Variants in CNBD1 observed in about 807,000 individuals in gnomAD.
CNBD1 encodes cyclic nucleotide binding domain containing 1, also known as cyclic nucleotide-binding domain-containing protein 1.
Under a neutral mutation model 54.4 loss-of-function variants are expected in CNBD1, and 71 were observed. The observed-to-expected ratio is 1.30, with a 90% confidence interval of 1.08 to 1.59. The LOEUF (loss-of-function observed/expected upper bound fraction) is 1.59. Ranked by LOEUF, CNBD1 falls within the 40% of genes most tolerant of loss-of-function variation. The pLI is 0.00. For missense variants in CNBD1, 659 were observed against 518.0 expected (o/e 1.27, Z -2.64); for synonymous variants, 182 against 170.7 (o/e 1.07, Z -0.51).
chr8:86,866,618 T>G (rs2453451), intron 1 of CNBD1, 35 bp downstream of exon 1: 315,960 of 1,480,570 alleles, frequency 0.21, 35,684 homozygotes, highest in Non-Finnish European at 0.23. Flanking sequence ...CTTATTCACC[T>G]ACCATTGTTT....
At chr8:87,092,338 T>A (rs71525084) in intron 4 of CNBD1, among the ~76,000 whole-genome samples, 8,174 of 151,184 alleles carry the variant, frequency 0.054, 300 homozygotes, top group African/African-American at 0.097. Flanking sequence ...TCCATAATAC[T>A]GGCTCAGTGT....
In CNBD1 at chr8:87,163,387, A is replaced by G. The variant is rs1409943932; in HGVS notation, c.432-42606A>G. 6.6e-6 allele frequency among the ~76,000 whole-genome samples: 1 copy of G among 151,788 alleles called. No homozygotes were observed. ...AAATTAGAATTTTGATAGAGATTGC[A>G]TTGAATCTGCAGATCACTTCAGGTC... On this transcript the variant is annotated intron_variant, in intron 4 of 10. Coordinates refer to ENST00000518476, the MANE Select transcript of CNBD1 (RefSeq NM_173538.3). This position sits in a 1 kb window ranked among gnomAD's most constrained non-coding sequence, Gnocchi z 4.5.
chr8:87,357,999 T>TTC (rs1810455459), intron 10 of CNBD1, among the ~76,000 whole-genome samples: 1 of 152,138 alleles, frequency 6.6e-6, no homozygotes, highest in Non-Finnish European at 1.5e-5. Context: ...GCAGCTCCTT[T>TTC]TCTCTCTCTT....
In CNBD1 at chr8:87,194,312, C is replaced by A. The variant is rs116320219; in HGVS notation, c.432-11681C>A. ...TTGAAAAGCAGGTAGTTAAGGGGAACAATGTTTAAGAAGGCAGTGAGTTTT... is the reference window on the plus strand; with the variant it reads ...TTGAAAAGCAGGTAGTTAAGGGGAAAAATGTTTAAGAAGGCAGTGAGTTTT... On this transcript the variant is annotated intron_variant, in intron 4 of 10. Transcript: ENST00000518476. 8.4e-3 allele frequency among the ~76,000 whole-genome samples: 1,277 copies of A among 152,186 alleles called. 29 individuals carry two copies. Among genetic ancestry groups the A allele is most frequent in the African/African-American group, 0.024 (1,006 of 41,524 alleles).
At chr8:87,424,792 ATG>A (rs1808015653) in intron 2 of CNBD1, among the ~76,000 whole-genome samples, 1 of 152,022 alleles carries the variant, frequency 6.6e-6, no homozygotes, top group African/African-American at 2.4e-5. Context: ...TCTGACAATT[ATG>A]TGTCTTGGAG....
intron 8 of CNBD1, among the ~76,000 whole-genome samples, chr8:87,341,439 A>C (rs1438888827): frequency 6.6e-6 from 1 of 152,134 alleles, no homozygotes; most frequent in Non-Finnish European, 1.5e-5. Flanking sequence ...TCTCTTAATC[A>C]CATAGTGCTG....
At chr8:86,960,530 C>T (rs1033984319) in intron 4 of CNBD1, among the ~76,000 whole-genome samples, 7 of 152,178 alleles carry the variant, frequency 4.6e-5, no homozygotes, top group African/African-American at 1.7e-4. Flanking sequence ...GGAAGCCTGC[C>T]TACCTCTGTA....
intron 10 of CNBD1, among the ~76,000 whole-genome samples, chr8:87,370,301 A>G (rs188368245): frequency 3.3e-5 from 5 of 152,164 alleles, no homozygotes; most frequent in African/African-American, 1.2e-4. Flanking sequence ...AGGAATCGCC[A>G]CACTGACTTC....
chr8:87,098,732 A>G (rs1811365161), intron 4 of CNBD1, among the ~76,000 whole-genome samples: 1 of 103,636 alleles, frequency 9.6e-6, no homozygotes, highest in Admixed American at 8.9e-5. Context: ...GAACATAGTA[A>G]TAAAAAAAAA....
intron 4 of CNBD1, among the ~76,000 whole-genome samples, chr8:87,006,811 A>G (rs911860665): frequency 6.6e-6 from 1 of 152,250 alleles, no homozygotes; most frequent in Non-Finnish European, 1.5e-5. Context: ...GTTTCTCTCC[A>G]TAATGTAAGT....
intron 4 of CNBD1, among the ~76,000 whole-genome samples, chr8:87,162,900 C>A (rs1215074794): frequency 6.6e-6 from 1 of 152,012 alleles, no homozygotes; most frequent in Non-Finnish European, 1.5e-5. Flanking sequence ...CACAAGGACT[C>A]CTTCCCTCCT....
In CNBD1 at chr8:86,942,737, C is replaced by A. The variant is rs545167588; in HGVS notation, c.431+2983C>A. On this transcript the variant is annotated intron_variant, in intron 4 of 10. Transcript: ENST00000518476. ...CAGTATTCCCAAATCATAGATTCTG[C>A]CCCCACTCCCAACATTTAAGGAAAG... 3.8e-4 allele frequency among the ~76,000 whole-genome samples: 58 copies of A among 152,318 alleles called. 1 individual carries two copies. Among genetic ancestry groups the A allele is most frequent in the African/African-American group, 1.3e-3 (56 of 41,580 alleles).
chr8:87,264,913 T>C (rs373477071), intron 6 of CNBD1, among the ~76,000 whole-genome samples: 1 of 152,180 alleles, frequency 6.6e-6, no homozygotes, highest in Admixed American at 6.5e-5. Flanking sequence ...CTTTGTCAGA[T>C]GAGTAGATTG....
downstream of CNBD1, among the ~76,000 whole-genome samples, chr8:87,385,198 C>T (rs1811157705): frequency 6.6e-6 from 1 of 152,104 alleles, no homozygotes; most frequent in Non-Finnish European, 1.5e-5. Flanking sequence ...TTGAGTAACG[C>T]AGAAGATGGG....
At chr8:86,999,191 T>C (rs188686484) in intron 4 of CNBD1, among the ~76,000 whole-genome samples, 87 of 152,324 alleles carry the variant, frequency 5.7e-4, no homozygotes, top group South Asian at 1.4e-3. Context: ...CTTTTGCCTC[T>C]TCTCTCTCAC....
chr8:86,981,144 G>C (rs1448737693), intron 4 of CNBD1, among the ~76,000 whole-genome samples: 1 of 152,188 alleles, frequency 6.6e-6, no homozygotes, highest in Non-Finnish European at 1.5e-5. Flanking sequence ...GAAAGACTCT[G>C]GCATTATTCT....
At chr8:86,982,395 T>C (rs1239528554) in intron 4 of CNBD1, among the ~76,000 whole-genome samples, 1 of 152,226 alleles carries the variant, frequency 6.6e-6, no homozygotes, top group East Asian at 1.9e-4. Context: ...TTTTCTCTTA[T>C]ATTTCATTCT....
intron 8 of CNBD1, among the ~76,000 whole-genome samples, chr8:87,318,218 A>G (rs896539918): frequency 1.3e-4 from 19 of 151,760 alleles, no homozygotes; most frequent in African/African-American, 4.4e-4. Context: ...TCTCTTTATT[A>G]TAGATTATAT....
In CNBD1 at chr8:86,946,124, CTG is replaced by C. The variant is rs201611792; in HGVS notation, c.431+6373_431+6374del. Among the ~76,000 whole-genome samples, 702 of 152,284 alleles carry C rather than the reference CTG, an allele frequency of 4.6e-3. 6 individuals carry two copies. The highest frequency in any genetic ancestry group is 0.016 in the African/African-American group (674 of 41,566). ...CCCCTCTCCCAAAGAATGTTACATACTGTGATTGCTTTTTAACAAAAGACTTT... is the reference window on the plus strand; with the variant it reads ...CCCCTCTCCCAAAGAATGTTACATACTGATTGCTTTTTAACAAAAGACTTT... On this transcript the variant is annotated intron_variant, in intron 4 of 10. Coordinates refer to ENST00000518476, the MANE Select transcript of CNBD1 (RefSeq NM_173538.3).
Sources: gnomAD v4.1 joint callset for allele counts (sites outside exome capture counted in the v4.1 genomes callset) on GRCh38, gnomAD v4.1.1 for gene constraint, Gnocchi (gnomAD v3.1) non-coding constraint, MANE v1.5 for transcripts, NCBI Gene and HGNC (gene_info 2026-07-23, HGNC 2026-07-21) for gene names.